FIP1L1: variants seen among roughly 807,000 people sequenced by gnomAD.
The protein encoded by FIP1L1 is factor interacting with PAPOLA and CPSF1.
In FIP1L1, 21 loss-of-function variants were observed where a neutral mutation model predicts 84.6. The ratio of observed to expected loss-of-function variants is 0.25; its 90% CI spans 0.18 to 0.36. FIP1L1 has a LOEUF of 0.36. Ranked by LOEUF, FIP1L1 falls within the 10% of genes least tolerant of loss-of-function variation. FIP1L1 has a pLI of 1.00. For synonymous variants in FIP1L1, 263 were observed against 242.3 expected (o/e 1.09, Z -0.80); for missense variants, 526 against 751.1 (o/e 0.70, Z 3.50).
intron 11 of FIP1L1, among the ~76,000 whole-genome samples, chr4:53,419,777 T>C (rs1473427282): frequency 1.3e-5 from 2 of 152,084 alleles, no homozygotes; most frequent in Admixed American, 1.3e-4. Context: ...CTTGTAAGGA[T>C]TAAATAAATT....
intron 13 of FIP1L1, among the ~76,000 whole-genome samples, chr4:53,435,369 A>G (rs1338938710): frequency 6.6e-6 from 1 of 152,136 alleles, no homozygotes; most frequent in Non-Finnish European, 1.5e-5. Flanking sequence ...GTTGAATCTA[A>G]TTACAGTTTA....
At position 53,460,792 on chromosome 4, in the gene FIP1L1, G is replaced by T; in HGVS notation, c.*1343G>T. The T allele has an allele frequency of 9.3e-7, 1 of 1,079,084 alleles. No individual in the cohort carries two copies. Among genetic ancestry groups the T allele is most frequent in the Non-Finnish European group, 1.3e-6 (1 of 752,252 alleles). The allele number at this position is 1,079,084 out of a possible 1,614,324, so 66.8% of individuals were successfully genotyped here. On this transcript the variant is annotated 3_prime_UTR_variant, in exon 18 of 18. Coordinates refer to ENST00000337488, the MANE Select transcript of FIP1L1 (RefSeq NM_030917.4). The stretch of plus-strand genomic sequence containing the variant: ...TTCATTAGATGATCATACTTTTCCT[G>T]ACATTTTTACAATGTATTCTTTCTT...
At chr4:53,419,013 A>G (rs1448575526) in intron 11 of FIP1L1, among the ~76,000 whole-genome samples, 2 of 152,184 alleles carry the variant, frequency 1.3e-5, no homozygotes, top group Non-Finnish European at 2.9e-5. Context: ...TATTGGACAT[A>G]TGAAGGCCTT....
At chr4:53,421,454 T>A (rs1254962390) in intron 11 of FIP1L1, among the ~76,000 whole-genome samples, 2 of 152,218 alleles carry the variant, frequency 1.3e-5, no homozygotes, top group Non-Finnish European at 2.9e-5. Flanking sequence ...TATCTTCCCA[T>A]CCTACATGTC....
intron 11 of FIP1L1, among the ~76,000 whole-genome samples, chr4:53,417,791 T>A (rs1381001881): frequency 0.11 from 11,856 of 110,974 alleles, 1,289 homozygotes; most frequent in South Asian, 0.25. Context: ...TCTCTCTCTC[T>A]CTCTCTCTCT....
chr4:53,459,859 G>GAT lies in FIP1L1; in HGVS notation c.*411_*412dup. ...AACAAAGGGCCCCTCTAAGGCTTGA[G>GAT]ATTAAAACTAGTCTTTATCATTACT... On this transcript the variant is annotated 3_prime_UTR_variant, in exon 18 of 18. Coordinates refer to ENST00000337488, the MANE Select transcript of FIP1L1 (RefSeq NM_030917.4). The GAT allele has an allele frequency of 4.1e-6, 1 of 243,162 alleles. No individual in the cohort carries two copies. The highest frequency in any genetic ancestry group is 6.2e-5 in the East Asian group (1 of 16,204). The allele number at this position is 243,162 out of a possible 1,614,324, so 15.1% of individuals were successfully genotyped here.
chr4:53,393,767 C>A (rs1745670968), intron 9 of FIP1L1, among the ~76,000 whole-genome samples: 4 of 2,054 alleles, frequency 1.9e-3, no homozygotes, highest in Admixed American at 8.5e-3. Context: ...CCCCCCGGCC[C>A]CCCCCCCCCC....
chr4:53,417,470 C>T (rs1382481791), intron 11 of FIP1L1, among the ~76,000 whole-genome samples: 2 of 151,400 alleles, frequency 1.3e-5, no homozygotes, highest in African/African-American at 2.4e-5. Flanking sequence ...GGAGAAACCC[C>T]GTCTCTACTA....
At chr4:53,454,524 G>A (rs1717887745) in intron 16 of FIP1L1, among the ~76,000 whole-genome samples, 1 of 152,162 alleles carries the variant, frequency 6.6e-6, no homozygotes, top group African/African-American at 2.4e-5. Context: ...TCCCCAGTGA[G>A]TATTACTATT....
chr4:53,410,254 C>T (rs973524288), intron 10 of FIP1L1, among the ~76,000 whole-genome samples: 2 of 152,216 alleles, frequency 1.3e-5, no homozygotes, highest in African/African-American at 4.8e-5. Context: ...TTTCGGTCAG[C>T]TTATGAGGCA....
chr4:53,429,248 G>T (rs1420689997), intron 13 of FIP1L1, among the ~76,000 whole-genome samples: 1 of 152,168 alleles, frequency 6.6e-6, no homozygotes, highest in Non-Finnish European at 1.5e-5. Context: ...TAGAGGGTCT[G>T]TTGTCTCAAC....
chr4:53,407,914 A>G (rs1754632551), intron 10 of FIP1L1, among the ~76,000 whole-genome samples: 1 of 152,134 alleles, frequency 6.6e-6, no homozygotes, highest in South Asian at 2.1e-4. Flanking sequence ...TGTTTCCTGA[A>G]TACAGCACAC....
chr4:53,382,184 A>G, intron 3 of FIP1L1, 94 bp from the exon 4 acceptor site: 2 of 821,474 alleles, frequency 2.4e-6, no homozygotes, highest in Non-Finnish European at 4.0e-6. Context: ...CAATAATTTT[A>G]GGAGCTTTAT....
chr4:53,425,786 C>G, intron 11 of FIP1L1, 86 bp from the exon 12 acceptor site: 1 of 908,350 alleles, frequency 1.1e-6, no homozygotes, highest in Non-Finnish European at 1.7e-6. Context: ...ATTGCAAACA[C>G]ATTTTGTTTT....
intron 11 of FIP1L1, among the ~76,000 whole-genome samples, chr4:53,422,933 C>G (rs1173957796): frequency 6.6e-6 from 1 of 152,090 alleles, no homozygotes; most frequent in East Asian, 1.9e-4. Context: ...CCAGGCTGGT[C>G]TTGAATTCCT....
At chr4:53,406,615 T>G (rs1753644031) in intron 10 of FIP1L1, among the ~76,000 whole-genome samples, 1 of 152,192 alleles carries the variant, frequency 6.6e-6, no homozygotes, top group African/African-American at 2.4e-5. Context: ...TCTGGTAGAA[T>G]TCGGCTGTGA....
chr4:53,434,030 A>G (rs1394006696), intron 13 of FIP1L1, among the ~76,000 whole-genome samples: 1 of 152,062 alleles, frequency 6.6e-6, no homozygotes, highest in East Asian at 1.9e-4. Flanking sequence ...TTCTCATTAG[A>G]TTATTTTTCT....
chr4:53,430,226 AC>A (rs1304412121), intron 13 of FIP1L1, among the ~76,000 whole-genome samples: 5 of 152,106 alleles, frequency 3.3e-5, no homozygotes, highest in African/African-American at 1.2e-4. Flanking sequence ...GACAACAAAT[AC>A]TTAGCTGGTA....
intron 11 of FIP1L1, among the ~76,000 whole-genome samples, chr4:53,418,424 C>T (rs1760782046): frequency 6.6e-6 from 1 of 152,168 alleles, no homozygotes; most frequent in Non-Finnish European, 1.5e-5. Context: ...AAGTGTTTTT[C>T]AAACTTTAAC....
Sources: gnomAD v4.1 joint callset for allele counts (sites outside exome capture counted in the v4.1 genomes callset) on GRCh38, gnomAD v4.1.1 for gene constraint, MANE v1.5 for transcripts, NCBI Gene and HGNC (gene_info 2026-07-23, HGNC 2026-07-21) for gene names.